The following PCLO variants were observed in gnomAD, a reference collection of about 807,000 sequenced individuals.
PCLO encodes the protein protein piccolo.
PCLO carries 82 observed loss-of-function variants against 427.5 expected under a neutral mutation model. The ratio of observed to expected loss-of-function variants is 0.19; its 90% confidence interval spans 0.16 to 0.23. PCLO has a LOEUF of 0.23. PCLO is among the 10% of genes least tolerant of loss of function. The pLI is 1.00. For synonymous variants in PCLO, 2,357 were observed against 2,155.4 expected, an observed-to-expected ratio of 1.09 and a Z score of -2.59; for missense variants, 6,239 against 6,115.9, an observed-to-expected ratio of 1.02 and a Z score of -0.67.
At chr7:83,069,277 T>A (rs958091423) in intron 3 of PCLO, among the ~76,000 whole-genome samples, 6 of 152,244 alleles carry the variant, frequency 3.9e-5, no homozygotes, top group Admixed American at 1.3e-4. Flanking sequence ...AACTGGCGTA[T>A]AATATGCAGG....
intron 2 of PCLO, among the ~76,000 whole-genome samples, chr7:83,149,399 T>A (rs1348596023): frequency 6.6e-6 from 1 of 152,222 alleles, no homozygotes; most frequent in African/African-American, 2.4e-5. Context: ...CTTATGTTTT[T>A]GGAGCTCTTT....
In PCLO at chr7:82,794,459, C is replaced by CTGTTTT. The variant is rs1554333552; in HGVS notation, c.15007+7058_15007+7059insAAAACA. ...ACATGCTAGTTCATAAATTTTTTTT[C>CTGTTTT]TTTTTTTTTTTTTTTTTTTTTTTTT... On this transcript the variant is annotated intron_variant, in intron 22 of 24. Coordinates refer to ENST00000333891, the MANE Select transcript of PCLO (RefSeq NM_033026.6). Among the ~76,000 whole-genome samples the CTGTTTT allele has an allele frequency of 5.3e-4, 30 of 56,368 alleles. 6 individuals carry two copies. The highest frequency in any genetic ancestry group is 7.0e-4 in the Non-Finnish European group (17 of 24,444). 37.0% of individuals were successfully genotyped at this position (56,368 alleles called of 152,430 possible).
chr7:82,807,783 G>A (rs540005787), intron 20 of PCLO, among the ~76,000 whole-genome samples: 173 of 152,004 alleles, frequency 1.1e-3, no homozygotes, highest in Non-Finnish European at 1.9e-3. Flanking sequence ...TTAGGAAAAT[G>A]TGTTCCTAAC....
At chr7:83,106,591 G>A (rs1584032544) in intron 3 of PCLO, among the ~76,000 whole-genome samples, 1 of 152,066 alleles carries the variant, frequency 6.6e-6, no homozygotes, top group Non-Finnish European at 1.5e-5. Flanking sequence ...TGTGAGAGCA[G>A]ATGTCATGCC....
intron 6 of PCLO, among the ~76,000 whole-genome samples, chr7:82,924,574 A>T (rs1794670193): frequency 6.6e-6 from 1 of 152,104 alleles, no homozygotes; most frequent in South Asian, 2.1e-4. Flanking sequence ...AGTGTAAGGA[A>T]CTGCCAGTCT....
At position 83,155,618 on chromosome 7, in the gene PCLO, T is replaced by C. The variant is rs775040747; in HGVS notation, c.1023A>G (p.Pro341=). ...TCACTGTCCCTGGTTGTTGAGCCAA[T>C]GGCTTTGTTAGCCCTGAGGGCTGAG... ...PPAQPSGLTK[P]LAQQPGTVKP... Residue 341 remains proline, a synonymous_variant, in exon 2 of 25, where the codon CCA becomes CCG. Transcript: ENST00000333891. The C allele has an allele frequency of 5.0e-6, 8 of 1,596,584 alleles. No individual in the cohort carries two copies. Among genetic ancestry groups the C allele is most frequent in the Non-Finnish European group, 6.0e-6 (7 of 1,173,720 alleles).
intron 6 of PCLO, among the ~76,000 whole-genome samples, chr7:82,941,894 C>T (rs904264413): frequency 3.3e-5 from 5 of 152,028 alleles, no homozygotes; most frequent in African/African-American, 9.7e-5. Flanking sequence ...TATACAAAAG[C>T]GTGGCCAGGC....
chr7:82,970,206 G>T (rs1349631776), intron 3 of PCLO, among the ~76,000 whole-genome samples: 2 of 152,018 alleles, frequency 1.3e-5, no homozygotes, highest in East Asian at 3.9e-4. Flanking sequence ...GTAAGGTAAT[G>T]GAAGATAAAG....
At chr7:82,782,217 T>C (rs1445694980) in intron 22 of PCLO, among the ~76,000 whole-genome samples, 2 of 152,160 alleles carry the variant, frequency 1.3e-5, no homozygotes, top group African/African-American at 2.4e-5. Context: ...GACACCCAGC[T>C]GGTATCTGTA....
At chr7:82,852,790 T>C (rs75774813) in intron 10 of PCLO, among the ~76,000 whole-genome samples, 2,874 of 152,292 alleles carry the variant, frequency 0.019, 87 homozygotes, top group African/African-American at 0.066. Context: ...ATATTCACTC[T>C]ACTGTGCTAT....
chr7:83,032,734 T>C (rs758634433), intron 3 of PCLO, among the ~76,000 whole-genome samples: 1 of 152,150 alleles, frequency 6.6e-6, no homozygotes, highest in Non-Finnish European at 1.5e-5. Context: ...ACTGGCATTA[T>C]TTTTGACTAC....
At chr7:82,863,533 T>A (rs948798015) in intron 10 of PCLO, among the ~76,000 whole-genome samples, 6 of 151,922 alleles carry the variant, frequency 3.9e-5, no homozygotes, top group African/African-American at 1.4e-4. Context: ...AAGTTATCAA[T>A]CTCTTTAATA....
chr7:82,807,307 T>TA (rs1791475593), intron 20 of PCLO, among the ~76,000 whole-genome samples: 1 of 152,184 alleles, frequency 6.6e-6, no homozygotes, highest in Non-Finnish European at 1.5e-5. Context: ...CAGTTCTACT[T>TA]AGAGTCTTTT....
chr7:83,121,066 G>A (rs1050002545), intron 3 of PCLO, among the ~76,000 whole-genome samples: 2 of 152,048 alleles, frequency 1.3e-5, no homozygotes, highest in South Asian at 2.1e-4. Context: ...GGCAGATCAC[G>A]AGGTCAGGAG....
At chr7:83,148,059 C>T (rs764086340) in intron 2 of PCLO, among the ~76,000 whole-genome samples, 2 of 152,132 alleles carry the variant, frequency 1.3e-5, no homozygotes, top group African/African-American at 2.4e-5. Flanking sequence ...ATAAAATGCT[C>T]ATTCCTTTAC....
chr7:82,794,459 CTTTTTTT>C (rs778108792), intron 22 of PCLO, among the ~76,000 whole-genome samples: 8,298 of 56,788 alleles, frequency 0.15, 572 homozygotes, highest in East Asian at 0.32. Flanking sequence ...AATTTTTTTT[CTTTTTTT>C]TTTTTTTTTT....
intron 20 of PCLO, among the ~76,000 whole-genome samples, chr7:82,818,550 T>TTA (rs1488387826): frequency 2.6e-5 from 4 of 152,168 alleles, no homozygotes; most frequent in Non-Finnish European, 5.9e-5. Context: ...TCTAATCGTT[T>TTA]GTAAGAACTT....
intron 1 of PCLO, among the ~76,000 whole-genome samples, chr7:83,156,900 G>T (rs1792316900): frequency 6.6e-6 from 1 of 152,068 alleles, no homozygotes; most frequent in Non-Finnish European, 1.5e-5. Flanking sequence ...AAATATAGGA[G>T]TCTGCTGAGA....
intron 3 of PCLO, among the ~76,000 whole-genome samples, chr7:83,023,856 C>T (rs769303380): frequency 2.0e-5 from 3 of 152,130 alleles, no homozygotes; most frequent in Admixed American, 6.5e-5. Context: ...TGATGTATGG[C>T]AAATCTTATG....
Sources: allele counts gnomAD v4.1 joint callset (sites outside exome capture counted in the v4.1 genomes callset), GRCh38; gene constraint gnomAD v4.1.1; transcripts MANE v1.5; gene names NCBI Gene and HGNC (gene_info 2026-07-23, HGNC 2026-07-21).